Variants in NR3C1 observed in about 807,000 individuals in gnomAD.
NR3C1 encodes the protein glucocorticoid receptor.
NR3C1 carries 14 observed loss-of-function variants against 74.0 expected under a neutral mutation model. The observed-to-expected ratio is 0.19, with a 90% confidence interval of 0.12 to 0.30. NR3C1 has a LOEUF of 0.30. Ranked by LOEUF, NR3C1 falls within the 10% of genes least tolerant of loss-of-function variation. The pLI, the probability that NR3C1 is intolerant of heterozygous loss-of-function variation, is 1.00. For synonymous variants in NR3C1, 308 were observed against 332.5 expected, an observed-to-expected ratio of 0.93 and a Z score of 0.80; for missense variants, 695 against 909.8, an observed-to-expected ratio of 0.76 and a Z score of 3.04.
chr5:143,288,317 C>T (rs1181248832), intron 7 of NR3C1, among the ~76,000 whole-genome samples: 1 of 151,652 alleles, frequency 6.6e-6, no homozygotes, highest in Non-Finnish European at 1.5e-5. Context: ...GACAGGGTTT[C>T]ACCATGTTGG....
chr5:143,315,175 A>G (rs1821806360), intron 2 of NR3C1, among the ~76,000 whole-genome samples: 1 of 152,228 alleles, frequency 6.6e-6, no homozygotes, highest in Admixed American at 6.5e-5. Flanking sequence ...ATTTTTATAA[A>G]CCAATGAAAC....
chr5:143,357,742 C>T (rs61752268), intron 2 of NR3C1, among the ~76,000 whole-genome samples: 3 of 152,178 alleles, frequency 2.0e-5, no homozygotes, highest in African/African-American at 7.2e-5. Context: ...TCTGTGCAAA[C>T]ATTTTAGTTG....
At chr5:143,313,049 G>A (rs1337710729) in intron 3 of NR3C1, among the ~76,000 whole-genome samples, 2 of 152,174 alleles carry the variant, frequency 1.3e-5, no homozygotes, top group African/African-American at 4.8e-5. Context: ...TCATGGATAT[G>A]CAAACACAAC....
At chr5:143,402,476 T>C (rs1254036117) in intron 1 of NR3C1, 4 of 516,932 alleles carry the variant, frequency 7.7e-6, no homozygotes, top group East Asian at 1.5e-4. Context: ...AGGGGGTCTT[T>C]TTCTAAAAGG....
At chr5:143,340,679 C>T (rs1828035253) in intron 2 of NR3C1, among the ~76,000 whole-genome samples, 1 of 151,874 alleles carries the variant, frequency 6.6e-6, no homozygotes, top group South Asian at 2.1e-4. Flanking sequence ...GACAGGGTTT[C>T]ACCATGTTGG....
chr5:143,402,220 C>T (rs1189008443), intron 1 of NR3C1, among the ~76,000 whole-genome samples: 1 of 152,174 alleles, frequency 6.6e-6, no homozygotes, highest in Non-Finnish European at 1.5e-5. Flanking sequence ...AATGAATTTC[C>T]ATGCCGCTTT....
chr5:143,295,257 T>G (rs1816922687), intron 7 of NR3C1: 1 of 985,384 alleles, frequency 1.0e-6, no homozygotes, highest in African/African-American at 1.7e-5. Flanking sequence ...ACCTCTCTGT[T>G]TCTGCCATAC....
rs1819452754 is a variant in NR3C1, at chr5:143,305,723, G to C, written c.1468+4374C>G. ...ACATAAAGATGGGAACAGACACTGG[G>C]AAATACAAGAGGGGGGATAGAGGAA... is the stretch of plus-strand genomic sequence containing the variant. On this transcript the variant is annotated intron_variant, in intron 4 of 8. Transcript: ENST00000394464. Among the ~76,000 whole-genome samples the C allele has an allele frequency of 2.0e-5, 3 of 152,196 alleles. No homozygotes were observed. In the South Asian group the frequency reaches 6.2e-4, roughly 32 times the overall value.
intron 2 of NR3C1, among the ~76,000 whole-genome samples, chr5:143,380,013 C>T (rs1305777982): frequency 6.6e-6 from 1 of 152,122 alleles, no homozygotes; most frequent in Non-Finnish European, 1.5e-5. Flanking sequence ...TATGTAATAT[C>T]TCATTTACAG....
chr5:143,371,000 G>A (rs1423266450), intron 2 of NR3C1, among the ~76,000 whole-genome samples: 1 of 152,152 alleles, frequency 6.6e-6, no homozygotes, highest in African/African-American at 2.4e-5. Flanking sequence ...AAGTATCTGT[G>A]TAAGGTATGG....
At chr5:143,376,314 G>C (rs1835179684) in intron 2 of NR3C1, among the ~76,000 whole-genome samples, 1 of 152,194 alleles carries the variant, frequency 6.6e-6, no homozygotes, top group Admixed American at 6.5e-5. Flanking sequence ...AAAGAACTGT[G>C]GATAAATTCT....
intron 2 of NR3C1, among the ~76,000 whole-genome samples, 183 bp from the exon 3 acceptor site, chr5:143,314,351 T>C (rs2151621652): frequency 6.6e-6 from 1 of 152,120 alleles, no homozygotes; most frequent in East Asian, 1.9e-4. Context: ...TTAAACAAAA[T>C]TAAGAATGAG....
intron 2 of NR3C1, among the ~76,000 whole-genome samples, chr5:143,368,487 T>A (rs1363316203): frequency 2.6e-5 from 4 of 151,972 alleles, no homozygotes; most frequent in Non-Finnish European, 5.9e-5. Context: ...CATAAGGGTC[T>A]AGTGTTTAGA....
chr5:143,289,865 G>A (rs1013982986), intron 7 of NR3C1, among the ~76,000 whole-genome samples: 4 of 152,062 alleles, frequency 2.6e-5, no homozygotes, highest in African/African-American at 9.7e-5. Flanking sequence ...ATACATTTCT[G>A]GTAAATGTTA....
chr5:143,370,754 C>G (rs1267968953), intron 2 of NR3C1, among the ~76,000 whole-genome samples: 2 of 151,766 alleles, frequency 1.3e-5, no homozygotes, highest in East Asian at 3.8e-4. Context: ...CAAAAATTCC[C>G]ACTTGGAAAT....
intron 1 of NR3C1, among the ~76,000 whole-genome samples, chr5:143,418,373 G>A (rs1284383033): frequency 6.6e-6 from 1 of 152,174 alleles, no homozygotes; most frequent in Non-Finnish European, 1.5e-5. Context: ...GCCCTCAACT[G>A]CATGATTTGG....
chr5:143,367,587 A>T (rs1833472052), intron 2 of NR3C1, among the ~76,000 whole-genome samples: 1 of 152,250 alleles, frequency 6.6e-6, no homozygotes, highest in Non-Finnish European at 1.5e-5. Context: ...CACAAAAATC[A>T]GTTGCATTAC....
At chr5:143,298,028 G>A (rs142974793) in intron 6 of NR3C1, among the ~76,000 whole-genome samples, 2 of 152,222 alleles carry the variant, frequency 1.3e-5, no homozygotes, top group African/African-American at 4.8e-5. Context: ...CATGATGAAC[G>A]TTACACTGGA....
intron 2 of NR3C1, among the ~76,000 whole-genome samples, chr5:143,325,453 C>T (rs182918125): frequency 2.6e-5 from 4 of 152,310 alleles, no homozygotes; most frequent in Non-Finnish European, 2.9e-5. Flanking sequence ...ATACAATTCA[C>T]GTTGAGATTC....
Sources: allele counts gnomAD v4.1 joint callset (sites outside exome capture counted in the v4.1 genomes callset), GRCh38; gene constraint gnomAD v4.1.1; transcripts MANE v1.5; gene names NCBI Gene and HGNC (gene_info 2026-07-23, HGNC 2026-07-21).